The following AP3D1 variants were observed in gnomAD, a reference collection of about 807,000 sequenced individuals.
AP3D1 encodes AP-3 complex subunit delta-1.
Under a neutral mutation model 147.6 loss-of-function variants are expected in AP3D1, and 51 were observed. The observed-to-expected ratio is 0.35, with a 90% confidence interval of 0.28 to 0.44. The LOEUF is 0.44. Ranked by LOEUF, AP3D1 falls within the 20% of genes least tolerant of loss-of-function variation. The pLI, the probability that AP3D1 is intolerant of heterozygous loss-of-function variation, is 1.00. For synonymous variants in AP3D1, 760 were observed against 663.0 expected (o/e 1.15, Z -2.25); for missense variants, 1,421 against 1,624.2 (o/e 0.87, Z 2.15).
At chr19:2,163,457 G>T (rs1463748796) in intron 1 of AP3D1, among the ~76,000 whole-genome samples, 2 of 151,340 alleles carry the variant, frequency 1.3e-5, no homozygotes, top group African/African-American at 2.4e-5. Context: ...CTCCCAAAGT[G>T]CTGGGATTAC....
chr19:2,117,351 T>C lies in AP3D1; in HGVS notation c.1730A>G (p.Gln577Arg). Reference protein sequence around the residue: ...EVQERASCILQLVKHIQKLQA... With the variant: ...EVQERASCILRLVKHIQKLQA... ...AAGCTTCTGGATGTGCTTGACCAGC[T>C]GCAGGATGCAGGACGCCTGTGGGGG... is the stretch of plus-strand genomic sequence containing the variant. The change falls in exon 16 of 32, where the codon CAG becomes CGG. Residue 577 changes from glutamine to arginine, a missense_variant. This residue lies in a region of AP3D1 where 310 missense variants were observed against 388.1 expected (regional missense o/e 0.80). Coordinates refer to ENST00000643116, the MANE Select transcript of AP3D1 (RefSeq NM_001261826.3). The C allele has an allele frequency of 1.2e-6, 2 of 1,607,026 alleles. No homozygotes were observed. The highest frequency in any genetic ancestry group is 2.7e-5 in the African/African-American group (2 of 74,838).
intron 1 of AP3D1, among the ~76,000 whole-genome samples, chr19:2,146,639 T>C (rs1426240161): frequency 1.4e-5 from 2 of 148,100 alleles, no homozygotes; most frequent in East Asian, 4.0e-4. Context: ...CCGTACAATG[T>C]CCTATGCACT....
chr19:2,121,212 T>C lies in AP3D1; in HGVS notation c.1201A>G (p.Ile401Val). 2 of 1,614,224 alleles carry C rather than the reference T, an allele frequency of 1.2e-6. No individual in the cohort carries two copies. The highest frequency in any genetic ancestry group is 1.1e-5 in the South Asian group (1 of 91,088). The change falls in exon 13 of 32, where the codon ATT becomes GTT. Residue 401 changes from isoleucine (I) to valine (V), a missense_variant. Around this residue, in one of 6 missense-constraint regions of AP3D1, gnomAD observed 310 missense variants for 388.1 expected, o/e 0.80. Coordinates refer to ENST00000643116, the MANE Select transcript of AP3D1 (RefSeq NM_001261826.3). ...TAGTTGGACTGGCTGCAGATGTCAATGATCTTGGTGAGCAGCTCGTCACGG... is the reference window on the plus strand; with the variant it reads ...TAGTTGGACTGGCTGCAGATGTCAACGATCTTGGTGAGCAGCTCGTCACGG... ...TYRDELLTKI[I>V]DICSQSNYQY...
chr19:2,164,157 G>A (rs1466140630), intron 1 of AP3D1: 4 of 1,052,438 alleles, frequency 3.8e-6, no homozygotes, highest in Admixed American at 6.1e-5. Flanking sequence ...CGCCCGCCTA[G>A]CATGGTGCGG....
At chr19:2,139,575 T>C (rs575768511) in intron 1 of AP3D1, among the ~76,000 whole-genome samples, 36 of 152,182 alleles carry the variant, frequency 2.4e-4, no homozygotes, top group Non-Finnish European at 4.7e-4. Flanking sequence ...GCCGAGTCGA[T>C]GCCATGCTGG....
At chr19:2,164,600 C>T (rs960491), upstream of AP3D1, 1,761 of 209,986 alleles carry the variant, frequency 8.4e-3, 14 homozygotes, top group Non-Finnish European at 0.013. Flanking sequence ...GCCCGCCCGC[C>T]CCGCTCGTTC....
intron 8 of AP3D1, among the ~76,000 whole-genome samples, chr19:2,128,139 C>T (rs2018812215): frequency 6.6e-6 from 1 of 152,116 alleles, no homozygotes. Flanking sequence ...GCAGTGGGGG[C>T]CGGGGAGGGG....
chr19:2,157,932 G>A (rs2019661638), intron 1 of AP3D1, among the ~76,000 whole-genome samples: 1 of 152,206 alleles, frequency 6.6e-6, no homozygotes. Context: ...GGTGATGGAG[G>A]AAATTGAGCT....
chr19:2,121,344 G>C, intron 12 of AP3D1, 33 bp from the exon 13 acceptor site: 2 of 1,610,100 alleles, frequency 1.2e-6, no homozygotes, highest in Non-Finnish European at 1.7e-6. Context: ...TGGTGAGAGC[G>C]GACCCAGCCT....
chr19:2,103,115 T>A (rs75850271), intron 31 of AP3D1, among the ~76,000 whole-genome samples: 18,924 of 151,864 alleles, frequency 0.12, 1,298 homozygotes, highest in Non-Finnish European at 0.16. Context: ...TAAGAGTGAG[T>A]TCCTACCTCA....
At chr19:2,148,457 T>C (rs550825500) in intron 1 of AP3D1, among the ~76,000 whole-genome samples, 3 of 152,370 alleles carry the variant, frequency 2.0e-5, no homozygotes, top group East Asian at 1.9e-4. Flanking sequence ...CTCTGGTCTC[T>C]TCTAGTTTCT....
At chr19:2,120,272 T>C (rs2018573494) in intron 14 of AP3D1, among the ~76,000 whole-genome samples, 2 of 152,164 alleles carry the variant, frequency 1.3e-5, no homozygotes, top group Non-Finnish European at 2.9e-5. Context: ...TGCCCAGCAG[T>C]GGCTGTGATC....
At chr19:2,117,787 A>G (rs998705760) in intron 15 of AP3D1, among the ~76,000 whole-genome samples, 10 of 152,248 alleles carry the variant, frequency 6.6e-5, no homozygotes, top group African/African-American at 2.4e-4. Flanking sequence ...CACCGCACAG[A>G]GGAGCCCGGG....
chr19:2,117,446 G>A, intron 15 of AP3D1, 79 bp from the exon 16 acceptor site: 1 of 1,445,886 alleles, frequency 6.9e-7, no homozygotes, highest in East Asian at 2.5e-5. Flanking sequence ...GGGTGGCTCA[G>A]CCCCTGGCAC....
In AP3D1 at chr19:2,151,418, G is replaced by A; in HGVS notation, c.-84C>T. ...CCGGGGCCCGTGCCTGCCGCCCGCG[G>A]AGCGCCGCGCTGCCGGCCGCTGCGG... On this transcript the variant is annotated 5_prime_UTR_variant, in exon 1 of 32. Transcript: ENST00000643116. 1.1e-6 allele frequency: 1 copy of A among 908,118 alleles called. No individual in the cohort carries two copies. The highest frequency in any genetic ancestry group is 1.4e-6 in the Non-Finnish European group (1 of 723,102). 56.3% of individuals were successfully genotyped at this position (908,118 alleles called of 1,614,324 possible).
At chr19:2,125,730 C>T (rs757423799) in intron 9 of AP3D1, among the ~76,000 whole-genome samples, 2 of 151,802 alleles carry the variant, frequency 1.3e-5, no homozygotes, top group African/African-American at 2.4e-5. Flanking sequence ...AGGCCGGGCG[C>T]GGTGTGTAGA....
rs764369416 is a variant in AP3D1, at chr19:2,137,781, G to A, written c.219C>T (p.Ser73=). ...TYLQMLGYDI[S]WAAFNIIEVM... Reference sequence around the variant, plus strand: ...CTTCTATGATGTTGAAGGCGGCCCAGCTGATGTCGTATCCCAACATCTGTA... The same window carrying A: ...CTTCTATGATGTTGAAGGCGGCCCAACTGATGTCGTATCCCAACATCTGTA... Residue 73 remains serine, a synonymous_variant, in exon 3 of 32, where the codon AGC becomes AGT. Transcript: ENST00000643116. The A allele has an allele frequency of 1.1e-5, 18 of 1,614,078 alleles. No homozygotes were observed. The highest frequency in any genetic ancestry group is 1.5e-5 in the Non-Finnish European group (18 of 1,179,978).
In AP3D1 at chr19:2,114,304, T is replaced by C; in HGVS notation, c.2424-2A>G. The C allele has an allele frequency of 6.2e-7, 1 of 1,610,252 alleles. No homozygotes were observed. The highest frequency in any genetic ancestry group is 8.5e-7 in the Non-Finnish European group (1 of 1,178,586). On this transcript the variant is annotated splice_acceptor_variant, in intron 21 of 31. Coordinates refer to ENST00000643116, the MANE Select transcript of AP3D1 (RefSeq NM_001261826.3). LOFTEE classifies it high-confidence loss of function. The stretch of plus-strand genomic sequence containing the variant: ...AGTTTCTCGCTGTCGGCTAAGGGCC[T>C]GGAGGAGGAATGACCGGGCCACACA...
chr19:2,124,029 A>G (rs2018684644), intron 9 of AP3D1, 150 bp from the exon 10 acceptor site: 2 of 928,762 alleles, frequency 2.2e-6, no homozygotes, highest in Non-Finnish European at 3.3e-6. Flanking sequence ...ACGCAGCCCA[A>G]CTGTGTTTGC....
Sources: allele counts gnomAD v4.1 joint callset (sites outside exome capture counted in the v4.1 genomes callset), GRCh38; gene constraint gnomAD v4.1.1; regional missense constraint gnomAD v4.1.1; transcripts MANE v1.5; gene names NCBI Gene and HGNC (gene_info 2026-07-23, HGNC 2026-07-21).